CHST5: variants seen among roughly 807,000 people sequenced by gnomAD.
The protein encoded by CHST5 is GST4-alpha.
For synonymous variants in CHST5, 313 were observed against 279.2 expected, an observed-to-expected ratio of 1.12 and a Z score of -1.21; for missense variants, 637 against 602.1, an observed-to-expected ratio of 1.06 and a Z score of -0.61.
chr16:75,531,119 G>A lies in CHST5; in HGVS notation c.-735C>T, dbSNP rs898821427. ...GGGCGGATCACGAGGTCAGGAGATC[G>A]AGACCATCCTGGCTAACACAGTGAG... On this transcript the variant is annotated 5_prime_UTR_variant, in exon 4 of 4. Transcript: ENST00000336257. The A allele has an allele frequency of 1.4e-5, 12 of 856,020 alleles. No homozygotes were observed. Among genetic ancestry groups the A allele is most frequent in the African/African-American group, 5.6e-5 (3 of 54,046 alleles). 53.0% of individuals were successfully genotyped at this position (856,020 alleles called of 1,614,324 possible). A position where few individuals can be genotyped will look rare whatever the true frequency, so the allele number is the denominator to read the frequency against.
At chr16:75,531,916 G>C (rs572815883) in intron 3 of CHST5, among the ~76,000 whole-genome samples, 43 of 152,314 alleles carry the variant, frequency 2.8e-4, no homozygotes, top group Non-Finnish European at 5.4e-4. Flanking sequence ...GGAAGCGAGA[G>C]AGCTGGCTCC....
rs779932658 is a variant in CHST5, at chr16:75,533,135, T to A, written c.-1303A>T. ...GGTCTTCTTAAGGTGGTTGAATCAC[T>A]CTATGCCACACAGAGTCTCCAGAAG... On this transcript the variant is annotated 5_prime_UTR_variant, in exon 3 of 4. Coordinates refer to ENST00000336257, the MANE Select transcript of CHST5 (RefSeq NM_024533.5). 14 of 702,256 alleles carry A rather than the reference T, an allele frequency of 2.0e-5. No homozygotes were observed. The highest frequency in any genetic ancestry group is 3.4e-5 in the Non-Finnish European group (13 of 384,842). The allele number at this position is 702,256 out of a possible 1,614,324, so 43.5% of individuals were successfully genotyped here. A position where few individuals can be genotyped will look rare whatever the true frequency, so the allele number is the denominator to read the frequency against.
chr16:75,533,303 C>T (rs1334025342), intron 2 of CHST5, 120 bp from the exon 3 acceptor site: 10 of 694,150 alleles, frequency 1.4e-5, no homozygotes, highest in East Asian at 1.3e-4. Context: ...ATGTTATCCT[C>T]CCAAGTCCCT....
Position 75,529,350 on chromosome 16 carries a change from A to T in CHST5, c.1035T>A (p.Ser345=), listed in dbSNP as rs891668404. ...CCTGGGAGACGTTGCGCGCATTCCT[A>T]GACGAAGTATGGAAGGCCTCGATTG... ...GKPIEAFHTS[S]RNARNVSQAW... is the part of the protein sequence containing the mutation. The change falls in exon 4 of 4, where the codon TCT becomes TCA. Residue 345 remains serine, a synonymous_variant. Transcript: ENST00000336257. 3.7e-6 allele frequency: 6 copies of T among 1,613,096 alleles called. No homozygotes were observed. In the African/African-American group the frequency reaches 5.3e-5, roughly 14 times the overall value.
intron 2 of CHST5, among the ~76,000 whole-genome samples, chr16:75,534,797 A>G (rs535811770): frequency 1.3e-5 from 2 of 152,292 alleles, no homozygotes; most frequent in South Asian, 2.1e-4. Flanking sequence ...TTAACTCACC[A>G]AGCTATTTTT....
Position 75,529,957 on chromosome 16 carries a change from A to G in CHST5, c.428T>C (p.Phe143Ser). ...CAGCGCGCGGCTCGTTGCCCAGTTG[A>G]AAAAGGCGGACAGGTTTCGGCTCTG... ...MPQSRNLSAF[F>S]NWATSRALCS... Residue 143 changes from phenylalanine to serine, a missense_variant, in exon 4 of 4, where the codon TTC becomes TCC. By Grantham distance (155) the Phe-to-Ser change is radical (BLOSUM62 -2). Transcript: ENST00000336257. The G allele has an allele frequency of 1.9e-6, 3 of 1,613,242 alleles. No individual in the cohort carries two copies. Among genetic ancestry groups the G allele is most frequent in the African/African-American group, 1.3e-5 (1 of 75,024 alleles).
Position 75,529,516 on chromosome 16 carries a change from T to C in CHST5, c.869A>G (p.Tyr290Cys). Residue 290 changes from tyrosine (Y) to cysteine (C), a missense_variant, in exon 4 of 4, where the codon TAC (tyrosine) becomes TGC (cysteine). Tyr to Cys is a radical substitution (Grantham distance 194). Transcript: ENST00000336257. ...LKPPPFLRGR[Y>C]RLVRFEDLAR... ...CAGGTCCTCGAAGCGCACCAGGCGG[T>C]AGCGGCCGCGCAGGAAGGGTGGCGG... is the stretch of plus-strand genomic sequence containing the variant. 6.2e-7 allele frequency: 1 copy of C among 1,610,494 alleles called. No homozygotes were observed. The highest frequency in any genetic ancestry group is 8.5e-7 in the Non-Finnish European group (1 of 1,179,444).
Position 75,531,581 on chromosome 16 carries a change from T to A in CHST5, c.-1197A>T. The A allele has an allele frequency of 7.7e-7, 1 of 1,303,884 alleles. No individual in the cohort carries two copies. Among genetic ancestry groups the A allele is most frequent in the Non-Finnish European group, 1.0e-6 (1 of 988,714 alleles). 80.8% of individuals were successfully genotyped at this position (1,303,884 alleles called of 1,614,324 possible). ...GGCCAGCTGAGGGGACTCACCACCG[T>A]CCAGGGCTGCTGGGAGAGCTGCAAC... On this transcript the variant is annotated 5_prime_UTR_variant, in exon 4 of 4. Transcript: ENST00000336257.
At position 75,529,245 on chromosome 16, in the gene CHST5, G is replaced by C; in HGVS notation, c.1140C>G (p.Tyr380Ter). 1 of 1,613,074 alleles carries C rather than the reference G, an allele frequency of 6.2e-7. No individual in the cohort carries two copies. Among genetic ancestry groups the C allele is most frequent in the Non-Finnish European group, 8.5e-7 (1 of 1,179,932 alleles). The change falls in exon 4 of 4, where the codon TAC (tyrosine) becomes TAG (stop). Residue 380 changes from tyrosine (Y) to a stop codon, truncating the protein, a stop_gained. Transcript: ENST00000336257. LOFTEE classifies it low-confidence loss of function (END_TRUNC). ...GCTGGTCCGCAGAGTACACAGGCCG[G>C]TAGCCCAGCAGCTGCAGCGCGCCGG... The part of the protein sequence containing the change: ...VCAGALQLLG[Y>*]RPVYSADQQR...
chr16:75,530,639 A>T lies in CHST5; in HGVS notation c.-255T>A. On this transcript the variant is annotated 5_prime_UTR_variant, in exon 4 of 4. Coordinates refer to ENST00000336257, the MANE Select transcript of CHST5 (RefSeq NM_024533.5). The stretch of plus-strand genomic sequence containing the variant: ...ACCTACAGGCTATCTATCTGTAGAG[A>T]GAAATACTATGTTTCAAAGAGAACT... 1 of 1,359,274 alleles carries T rather than the reference A, an allele frequency of 7.4e-7. No individual in the cohort carries two copies. The highest frequency in any genetic ancestry group is 9.5e-7 in the Non-Finnish European group (1 of 1,052,166). 84.2% of individuals were successfully genotyped at this position (1,359,274 alleles called of 1,614,324 possible).
rs188257016 is a variant in CHST5 at position 75,528,998 on chromosome 16, T to C, written c.*151A>G. On this transcript the variant is annotated 3_prime_UTR_variant, in exon 4 of 4. Coordinates refer to ENST00000336257, the MANE Select transcript of CHST5 (RefSeq NM_024533.5). Reference sequence around the variant, plus strand: ...CCGAGAATCAGGAGAGAAAGAAACGTGCAGTCCTTGCCTACTTCAGGGGAG... The same window carrying C: ...CCGAGAATCAGGAGAGAAAGAAACGCGCAGTCCTTGCCTACTTCAGGGGAG... 3.6e-4 allele frequency: 272 copies of C among 747,680 alleles called. 3 individuals are homozygous for C. The Admixed American group carries it at 5.4e-3, about 15-fold the overall frequency. The allele number at this position is 747,680 out of a possible 1,614,324, so 46.3% of individuals were successfully genotyped here.
At chr16:75,534,961 G>C (rs947413948) in intron 2 of CHST5, among the ~76,000 whole-genome samples, 166 bp downstream of exon 2, 5 of 152,188 alleles carry the variant, frequency 3.3e-5, no homozygotes, top group Non-Finnish European at 7.3e-5. Context: ...CGCTAGCAGG[G>C]GAGATGAACT....
rs761230586 is a variant in CHST5, at chr16:75,529,509, C to T, written c.876G>A (p.Leu292=). The change falls in exon 4 of 4, where the codon CTG becomes CTA. Residue 292 remains leucine, a synonymous_variant. Coordinates refer to ENST00000336257, the MANE Select transcript of CHST5 (RefSeq NM_024533.5). Reference sequence around the variant, plus strand: ...CCCGCGCCAGGTCCTCGAAGCGCACCAGGCGGTAGCGGCCGCGCAGGAAGG... The same window carrying T: ...CCCGCGCCAGGTCCTCGAAGCGCACTAGGCGGTAGCGGCCGCGCAGGAAGG... The part of the protein sequence containing the change: ...PPPFLRGRYR[L]VRFEDLAREP... The T allele has an allele frequency of 1.8e-5, 29 of 1,610,878 alleles. No homozygotes were observed. In the South Asian group the frequency reaches 2.7e-4, roughly 15 times the overall value.
Position 75,531,158 on chromosome 16 carries a change from T to C in CHST5, c.-774A>G. 1.5e-6 allele frequency: 1 copy of C among 679,216 alleles called. No homozygotes were observed. The highest frequency in any genetic ancestry group is 1.8e-6 in the Non-Finnish European group (1 of 540,954). 42.1% of individuals were successfully genotyped at this position (679,216 alleles called of 1,614,324 possible). ...TAACACAGTGAGACCCCATCTCTAC[T>C]AAAAATACAAAAAATTAGCCAGGCG... On this transcript the variant is annotated 5_prime_UTR_variant, in exon 4 of 4. Transcript: ENST00000336257.
At position 75,529,901 on chromosome 16, in the gene CHST5, G is replaced by A. The variant is rs1489915228; in HGVS notation, c.484C>T (p.Arg162Ter). 4.3e-6 allele frequency: 7 copies of A among 1,613,460 alleles called. No individual in the cohort carries two copies. The highest frequency in any genetic ancestry group is 5.9e-6 in the Non-Finnish European group (7 of 1,179,934). Residue 162 changes from arginine to a stop codon, truncating the protein, a stop_gained, in exon 4 of 4, where the codon CGA becomes TGA. Coordinates refer to ENST00000336257, the MANE Select transcript of CHST5 (RefSeq NM_024533.5). LOFTEE classifies it low-confidence loss of function (END_TRUNC). ...ACGTCCTGCTTGCTGATGGTGCCTC[G>A]GGGAAAGGCGCTGCAGGCGGGCGGC... ...CSPPACSAFP[R>*]GTISKQDVCK...
In CHST5 at chr16:75,529,463, C is replaced by T. The variant is rs752206707; in HGVS notation, c.922G>A (p.Ala308Thr). The T allele has an allele frequency of 2.4e-5, 39 of 1,612,668 alleles. No individual in the cohort carries two copies. Among genetic ancestry groups the T allele is most frequent in the Non-Finnish European group, 3.3e-5 (39 of 1,179,880 alleles). The part of the protein sequence containing the change: ...LAREPLAEIR[A>T]LYAFTGLTLT... Reference sequence around the variant, plus strand: ...GTCAGGCCGGTGAAGGCGTAGAGTGCGCGGATCTCTGCCAGCGGCTCCCGC... The same window carrying T: ...GTCAGGCCGGTGAAGGCGTAGAGTGTGCGGATCTCTGCCAGCGGCTCCCGC... Residue 308 changes from alanine to threonine, a missense_variant, in exon 4 of 4, where the codon GCA (alanine) becomes ACA (threonine). Physicochemically the swap from Ala to Thr is moderately conservative, Grantham distance 58. Transcript: ENST00000336257.
chr16:75,535,104 T>G (rs1244169321), intron 2 of CHST5, 23 bp downstream of exon 2: 1 of 152,174 alleles, frequency 6.6e-6, no homozygotes, highest in African/African-American at 2.4e-5. Context: ...ACACCTCCGG[T>G]GGAGAATGAA....
At position 75,532,329 on chromosome 16, in the gene CHST5, C is replaced by T. The variant is rs553365498; in HGVS notation, c.-1256-689G>A. Among the ~76,000 whole-genome samples, 10 of 152,198 alleles carry T rather than the reference C, an allele frequency of 6.6e-5. No homozygotes were observed. In the South Asian group the frequency reaches 1.4e-3, roughly 22 times the overall value. On this transcript the variant is annotated intron_variant, in intron 3 of 3. Transcript: ENST00000336257. ...AGGGTGGAAGGAACACTGAGCCAGC[C>T]TCCCGCATTCCAAGGTCCTAAAGTG...
In CHST5 at chr16:75,530,179, G is replaced by A. The variant is rs1185394914; in HGVS notation, c.206C>T (p.Ser69Phe). ...GEDRVHVLVLSSWRSGSSFLG... is the reference protein window; with the variant it reads ...GEDRVHVLVLFSWRSGSSFLG... ...GAAGGATGAGCCCGAGCGCCACGAG[G>A]ACAGCACCAGCACGTGCACACGATC... is the stretch of plus-strand genomic sequence containing the variant. Residue 69 changes from serine (S) to phenylalanine (F), a missense_variant, in exon 4 of 4, where the codon TCC (serine) becomes TTC (phenylalanine). Transcript: ENST00000336257. 6.2e-7 allele frequency: 1 copy of A among 1,613,572 alleles called. No homozygotes were observed. Among genetic ancestry groups the A allele is most frequent in the African/African-American group, 1.3e-5 (1 of 74,936 alleles).
Sources: allele counts gnomAD v4.1 joint callset (sites outside exome capture counted in the v4.1 genomes callset), GRCh38; gene constraint gnomAD v4.1.1; transcripts MANE v1.5; gene names NCBI Gene and HGNC (gene_info 2026-07-23, HGNC 2026-07-21).